Variants in MED27 observed in about 807,000 individuals in gnomAD.
MED27 encodes mediator of RNA polymerase II transcription subunit 27.
MED27 carries 30 observed loss-of-function variants against 38.2 expected under a neutral mutation model. The ratio of observed to expected loss-of-function variants is 0.79; its 90% confidence interval spans 0.59 to 1.07. The LOEUF is 1.07. Ranked by LOEUF, MED27 falls within the 50% of genes least tolerant of loss-of-function variation. The pLI, the probability that MED27 is intolerant of heterozygous loss-of-function variation, is 0.00. For missense variants in MED27, 289 were observed against 397.5 expected, an observed-to-expected ratio of 0.73 and a Z score of 2.32; for synonymous variants, 122 against 153.5, an observed-to-expected ratio of 0.79 and a Z score of 1.52.
chr9:132,075,825 C>T (rs1834033371), intron 2 of MED27, among the ~76,000 whole-genome samples: 1 of 151,842 alleles, frequency 6.6e-6, no homozygotes, highest in African/African-American at 2.4e-5. Context: ...TGGAACAGTC[C>T]CACGTCTGGC....
In MED27 at chr9:131,982,021, TAGATACC is replaced by T. The variant is rs1831748270; in HGVS notation, c.479+32309_479+32315del. Among the ~76,000 whole-genome samples, 2 of 152,206 alleles carry T rather than the reference TAGATACC, an allele frequency of 1.3e-5. No individual in the cohort carries two copies. Among genetic ancestry groups the T allele is most frequent in the Non-Finnish European group, 2.9e-5 (2 of 68,032 alleles). ...CTATCAGCAGCAGTAGCAGAAGTGG[TAGATACC>T]ACTTATCATGCACTTCCCATGTTCT... On this transcript the variant is annotated intron_variant, in intron 3 of 7. Coordinates refer to ENST00000292035, the MANE Select transcript of MED27 (RefSeq NM_004269.4). The surrounding 1 kb of genome is among the most constrained non-coding windows in gnomAD (Gnocchi z 4.3).
At chr9:131,947,137 C>T (rs185309955) in intron 3 of MED27, among the ~76,000 whole-genome samples, 1 of 152,160 alleles carries the variant, frequency 6.6e-6, no homozygotes, top group African/African-American at 2.4e-5. Context: ...AAAAGTAAGC[C>T]ACGGAGACCC....
At chr9:131,930,025 C>T (rs1830554117) in intron 4 of MED27, among the ~76,000 whole-genome samples, 1 of 150,010 alleles carries the variant, frequency 6.7e-6, no homozygotes, top group Non-Finnish European at 1.5e-5. Context: ...CTCCAGGTGG[C>T]TTAGCACAGA....
intron 4 of MED27, among the ~76,000 whole-genome samples, chr9:131,909,483 G>C (rs567244728): frequency 1.4e-4 from 22 of 152,336 alleles, no homozygotes; most frequent in African/African-American, 4.8e-4. Context: ...ACTTAAACAG[G>C]ACTGTCCTCT....
chr9:131,958,004 G>A (rs1308805387), intron 3 of MED27, among the ~76,000 whole-genome samples: 1 of 152,000 alleles, frequency 6.6e-6, no homozygotes, highest in Non-Finnish European at 1.5e-5. Flanking sequence ...GATGACTGGG[G>A]TGGAGCATGA....
chr9:131,939,761 C>T (rs926915640), intron 3 of MED27, among the ~76,000 whole-genome samples: 3 of 152,210 alleles, frequency 2.0e-5, no homozygotes, highest in Non-Finnish European at 1.5e-5. Context: ...ACTCCAACAA[C>T]ATGGCCCCCT....
intron 3 of MED27, among the ~76,000 whole-genome samples, chr9:131,941,687 C>T (rs1589224563): frequency 6.6e-6 from 1 of 152,018 alleles, no homozygotes; most frequent in Non-Finnish European, 1.5e-5. Flanking sequence ...GAATGGCTTT[C>T]ATGATCTCAG....
chr9:132,077,790 T>G (rs941426441), intron 1 of MED27, among the ~76,000 whole-genome samples: 2 of 150,900 alleles, frequency 1.3e-5, no homozygotes, highest in Non-Finnish European at 2.9e-5. Context: ...AAACAGAGCT[T>G]CTGGTGCCAT....
chr9:131,904,942 C>A (rs11243559), intron 4 of MED27, among the ~76,000 whole-genome samples: 4 of 152,120 alleles, frequency 2.6e-5, no homozygotes, highest in African/African-American at 9.7e-5. Context: ...ATCTTCCTAT[C>A]TCATCTCGTC....
At chr9:132,075,828 C>G (rs530727235) in intron 2 of MED27, among the ~76,000 whole-genome samples, 1 of 150,866 alleles carries the variant, frequency 6.6e-6, no homozygotes, top group African/African-American at 2.4e-5. Flanking sequence ...AACAGTCCCA[C>G]GTCTGGCCTA....
chr9:132,067,904 G>T (rs1205314423), intron 2 of MED27, among the ~76,000 whole-genome samples: 1 of 152,102 alleles, frequency 6.6e-6, no homozygotes, highest in Admixed American at 6.6e-5. Context: ...AGTAGAGACG[G>T]GGTTTCACCG....
At chr9:132,065,638 G>A (rs1033412516) in intron 2 of MED27, among the ~76,000 whole-genome samples, 1 of 152,236 alleles carries the variant, frequency 6.6e-6, no homozygotes, top group Non-Finnish European at 1.5e-5. Context: ...TCCCGAATCT[G>A]AGAGGCCTGC....
intron 2 of MED27, among the ~76,000 whole-genome samples, chr9:132,067,265 G>GT (rs1262092672): frequency 2.6e-5 from 4 of 152,202 alleles, no homozygotes; most frequent in Middle Eastern, 3.2e-3. Context: ...CAGGTGTCAG[G>GT]TAACTGGCCC....
At chr9:132,033,526 G>T (rs1006840641) in intron 2 of MED27, among the ~76,000 whole-genome samples, 1 of 152,138 alleles carries the variant, frequency 6.6e-6, no homozygotes, top group African/African-American at 2.4e-5. Context: ...CCTAAAAAGG[G>T]CAAGAAAATT....
chr9:131,967,171 G>A (rs914322181), intron 3 of MED27, among the ~76,000 whole-genome samples: 2 of 152,160 alleles, frequency 1.3e-5, no homozygotes, highest in African/African-American at 2.4e-5. Context: ...AAATCTTTGT[G>A]CTTGAATAAA....
intron 6 of MED27, among the ~76,000 whole-genome samples, chr9:131,864,210 GTGCCTCA>G (rs1469432544): frequency 1.3e-5 from 2 of 152,178 alleles, no homozygotes; most frequent in African/African-American, 4.8e-5. Flanking sequence ...GCCAGGTGCG[GTGCCTCA>G]TGCCTGTAAT....
Position 131,941,817 on chromosome 9 carries a change from A to ATTTTTTTTTTTTTTTTTTT in MED27, c.480-2362_480-2344dup, listed in dbSNP as rs766438800. Among the ~76,000 whole-genome samples, 5 of 82,514 alleles carry ATTTTTTTTTTTTTTTTTTT rather than the reference A, an allele frequency of 6.1e-5. 1 individual carries two copies. The highest frequency in any genetic ancestry group is 1.0e-4 in the African/African-American group (2 of 19,084). The allele number at this position is 82,514 out of a possible 152,430, so 54.1% of individuals were successfully genotyped here. A position where few individuals can be genotyped will look rare whatever the true frequency, so the allele number is the denominator to read the frequency against. On this transcript the variant is annotated intron_variant, in intron 3 of 7. Coordinates refer to ENST00000292035, the MANE Select transcript of MED27 (RefSeq NM_004269.4). ...TAAAGGCAAAGCCCCATTCTGCTGA[A>ATTTTTTTTTTTTTTTTTTT]TTTTTTTTTTTTTTTTTTTTTTTTT...
chr9:132,014,271 CA>C, intron 3 of MED27, 65 bp downstream of exon 3: 1 of 1,501,572 alleles, frequency 6.7e-7, no homozygotes, highest in Non-Finnish European at 9.0e-7. Flanking sequence ...TTCCACTACC[CA>C]AAAACAAGTA....
chr9:132,012,998 T>G (rs915834036), intron 3 of MED27, among the ~76,000 whole-genome samples: 1 of 152,138 alleles, frequency 6.6e-6, no homozygotes, highest in African/African-American at 2.4e-5. Flanking sequence ...GAATGCTGTT[T>G]GTAACTGAGG....
Sources: gnomAD v4.1 joint callset for allele counts (sites outside exome capture counted in the v4.1 genomes callset) on GRCh38, gnomAD v4.1.1 for gene constraint, Gnocchi (gnomAD v3.1) non-coding constraint, MANE v1.5 for transcripts, NCBI Gene and HGNC (gene_info 2026-07-23, HGNC 2026-07-21) for gene names.